The following RASGRP1 variants were observed in gnomAD, a reference collection of about 807,000 sequenced individuals.
The protein encoded by RASGRP1 is RAS guanyl releasing protein 1.
Under a neutral mutation model 95.1 loss-of-function variants are expected in RASGRP1, and 37 were observed. That is an observed-to-expected ratio of 0.39 (90% CI 0.30 to 0.51). RASGRP1 has a LOEUF of 0.51. Ranked by LOEUF, RASGRP1 falls within the 20% of genes least tolerant of loss-of-function variation. The probability of loss-of-function intolerance (pLI) is 0.80; values close to 1 mark genes in which losing one functional copy is unlikely to be tolerated. For missense variants in RASGRP1, 711 were observed against 965.4 expected, an observed-to-expected ratio of 0.74 and a Z score of 3.49; for synonymous variants, 325 against 353.4, an observed-to-expected ratio of 0.92 and a Z score of 0.90.
chr15:38,532,669 G>C (rs1892491082), intron 2 of RASGRP1, among the ~76,000 whole-genome samples: 1 of 152,110 alleles, frequency 6.6e-6, no homozygotes, highest in Non-Finnish European at 1.5e-5. Flanking sequence ...CCAATGACAG[G>C]ATATGGCTTC....
At chr15:38,563,929 T>C (rs961645072) in intron 1 of RASGRP1, among the ~76,000 whole-genome samples, 6 of 152,252 alleles carry the variant, frequency 3.9e-5, no homozygotes, top group African/African-American at 1.4e-4. Flanking sequence ...TGCCTAGTTC[T>C]GGTCCTTTGG....
At position 38,518,349 on chromosome 15, in the gene RASGRP1, T is replaced by C. The variant is rs762122305; in HGVS notation, c.464A>G (p.Glu155Gly). Reference sequence around the variant, plus strand: ...CTCCTCACCCTTAGCTTTCACCAGTTCCTGAAACTCCTCCATAGTGTCTGT... The same window carrying C: ...CTCCTCACCCTTAGCTTTCACCAGTCCCTGAAACTCCTCCATAGTGTCTGT... Reference protein sequence around the residue: ...SLTDTMEEFQELVKAKGEELH... With the variant: ...SLTDTMEEFQGLVKAKGEELH... The change falls in exon 5 of 17, where the codon GAA becomes GGA. Residue 155 changes from glutamate to glycine, a missense_variant. By Grantham distance (98) the Glu-to-Gly change is moderately conservative. This residue lies in a region of RASGRP1 where 491 missense variants were observed against 676.6 expected (regional missense o/e 0.73). Coordinates refer to ENST00000310803, the MANE Select transcript of RASGRP1 (RefSeq NM_005739.4). 6.2e-7 allele frequency: 1 copy of C among 1,609,626 alleles called. No homozygotes were observed. Among genetic ancestry groups the C allele is most frequent in the South Asian group, 1.1e-5 (1 of 89,870 alleles).
intron 2 of RASGRP1, among the ~76,000 whole-genome samples, chr15:38,551,095 T>C (rs1893323164): frequency 6.6e-6 from 1 of 152,250 alleles, no homozygotes; most frequent in African/African-American, 2.4e-5. Flanking sequence ...AAGTCTATGC[T>C]AGTGGTTGAT....
intron 16 of RASGRP1, among the ~76,000 whole-genome samples, chr15:38,493,179 C>CTT (rs71418810): frequency 0.15 from 16,011 of 104,264 alleles, 1,657 homozygotes; most frequent in Non-Finnish European, 0.21. Flanking sequence ...CACGCCGGGC[C>CTT]TTTTTTTTTT....
intron 2 of RASGRP1, among the ~76,000 whole-genome samples, chr15:38,556,778 C>A (rs1893573860): frequency 2.6e-5 from 4 of 152,172 alleles, no homozygotes; most frequent in African/African-American, 9.7e-5. Context: ...CAGCTGTAGC[C>A]AATTCAAACC....
chr15:38,504,324 C>G (rs940896930), intron 10 of RASGRP1: 1 of 151,952 alleles, frequency 6.6e-6, no homozygotes, highest in Non-Finnish European at 1.5e-5. Flanking sequence ...ATTTTTTTAA[C>G]TTTTACTCTT....
chr15:38,493,028 C>A (rs1436610172), intron 16 of RASGRP1, among the ~76,000 whole-genome samples: 2 of 151,792 alleles, frequency 1.3e-5, no homozygotes, highest in African/African-American at 4.8e-5. Flanking sequence ...CTACAGGCGC[C>A]CATTACCACG....
Position 38,564,624 on chromosome 15 carries a change from C to A in RASGRP1, c.5G>T (p.Gly2Val). ...AGCCTCTCTCGCCTTGCCCAGGGTG[C>A]CCATGGCCGCGGCCCGCGCTCCCGG... M[G>V]TLGKAREAPR... The change falls in exon 1 of 17, where the codon GGC (glycine) becomes GTC (valine). Residue 2 changes from glycine to valine, a missense_variant. Gly to Val is a moderately radical substitution (Grantham distance 109). Around this residue, in one of 3 missense-constraint regions of RASGRP1, gnomAD observed 491 missense variants for 676.6 expected, o/e 0.73. Transcript: ENST00000310803. The A allele has an allele frequency of 7.4e-7, 1 of 1,352,532 alleles. No homozygotes were observed. The highest frequency in any genetic ancestry group is 2.8e-5 in the Admixed American group (1 of 35,226). 83.8% of individuals were successfully genotyped at this position (1,352,532 alleles called of 1,614,324 possible). A position where few individuals can be genotyped will look rare whatever the true frequency, so the allele number is the denominator to read the frequency against.
chr15:38,503,184 C>A (rs1891107465), intron 11 of RASGRP1, 88 bp downstream of exon 11: 1 of 1,064,300 alleles, frequency 9.4e-7, no homozygotes, highest in East Asian at 2.6e-5. Flanking sequence ...TACATTTCCA[C>A]CATTGTGCTT....
At chr15:38,516,446 A>C in intron 5 of RASGRP1, 96 bp from the exon 6 acceptor site, 1 of 1,413,710 alleles carries the variant, frequency 7.1e-7, no homozygotes, top group Non-Finnish European at 9.9e-7. Flanking sequence ...GAATATACAA[A>C]ACACCATTAG....
intron 1 of RASGRP1, chr15:38,560,297 T>C (rs1893752220): frequency 9.2e-6 from 4 of 435,664 alleles, no homozygotes; most frequent in South Asian, 8.9e-5. Flanking sequence ...GGCAAGACTA[T>C]CTTGGCAGTC....
Position 38,494,213 on chromosome 15 carries a change from C to T in RASGRP1, c.2259+169G>A, listed in dbSNP as rs569631134. On this transcript the variant is annotated intron_variant, in intron 16 of 16. Transcript: ENST00000310803. ...GAATCAATCATCCTTTCTTCCTTCC[C>T]TCCCTCTCTTCCTCCCTGTTTCTCC... The T allele has an allele frequency of 4.5e-6, 4 of 888,082 alleles. No individual in the cohort carries two copies. The South Asian group carries it at 5.8e-5, about 13-fold the overall frequency. 55.0% of individuals were successfully genotyped at this position (888,082 alleles called of 1,614,324 possible).
intron 1 of RASGRP1, among the ~76,000 whole-genome samples, chr15:38,564,258 G>T (rs972111644): frequency 5.9e-5 from 9 of 152,218 alleles, no homozygotes; most frequent in African/African-American, 2.2e-4. Context: ...GCGAGTGGGA[G>T]TCCCGATGCC....
intron 2 of RASGRP1, among the ~76,000 whole-genome samples, chr15:38,558,316 T>C (rs1035829699): frequency 1.7e-4 from 26 of 152,180 alleles, no homozygotes; most frequent in Non-Finnish European, 3.7e-4. Context: ...AGGAGATTAT[T>C]TTGAAATAGA....
chr15:38,518,048 C>T (rs752241881), intron 5 of RASGRP1, among the ~76,000 whole-genome samples: 3 of 152,092 alleles, frequency 2.0e-5, no homozygotes, highest in Non-Finnish European at 4.4e-5. Flanking sequence ...TTGACTGGGA[C>T]TTACTTTTTC....
intron 12 of RASGRP1, chr15:38,501,492 C>T: frequency 1.4e-6 from 1 of 719,366 alleles, no homozygotes; most frequent in Non-Finnish European, 2.5e-6. Flanking sequence ...CAGCATTACT[C>T]ATTTCCACAG....
chr15:38,548,901 T>G (rs903115241), intron 2 of RASGRP1, among the ~76,000 whole-genome samples: 1 of 152,204 alleles, frequency 6.6e-6, no homozygotes, highest in East Asian at 1.9e-4. Context: ...GACAAGGTAA[T>G]GAGACTCTTA....
intron 6 of RASGRP1, among the ~76,000 whole-genome samples, 153 bp downstream of exon 6, chr15:38,516,044 A>T (rs1203773462): frequency 6.6e-6 from 1 of 151,918 alleles, no homozygotes; most frequent in East Asian, 1.9e-4. Flanking sequence ...TTCAGATGGT[A>T]CTGATTTTTT....
At chr15:38,552,901 A>T (rs988774840) in intron 2 of RASGRP1, among the ~76,000 whole-genome samples, 1 of 152,238 alleles carries the variant, frequency 6.6e-6, no homozygotes, top group Non-Finnish European at 1.5e-5. Context: ...ACATAAATCC[A>T]CATCGTTCTA....
Sources: gnomAD v4.1 joint callset for allele counts (sites outside exome capture counted in the v4.1 genomes callset) on GRCh38, gnomAD v4.1.1 for gene constraint, gnomAD v4.1.1 regional missense constraint, MANE v1.5 for transcripts, NCBI Gene and HGNC (gene_info 2026-07-23, HGNC 2026-07-21) for gene names.